BTC: variants seen among roughly 807,000 people sequenced by gnomAD.
The protein encoded by BTC is probetacellulin.
A neutral mutation model predicts 18.1 loss-of-function variants in BTC; 13 were observed. The ratio of observed to expected loss-of-function variants is 0.72; its 90% confidence interval spans 0.47 to 1.14. BTC has a LOEUF of 1.14. Ranked by LOEUF, BTC falls within the 50% of genes most tolerant of loss-of-function variation. The pLI is 0.00. For missense variants in BTC, 247 were observed against 224.2 expected, an observed-to-expected ratio of 1.10 and a Z score of -0.65; for synonymous variants, 83 against 79.4, an observed-to-expected ratio of 1.05 and a Z score of -0.24.
chr4:74,758,598 T>C (rs139828045), intron 2 of BTC, among the ~76,000 whole-genome samples: 34 of 152,260 alleles, frequency 2.2e-4, no homozygotes, highest in African/African-American at 7.2e-4. Flanking sequence ...AAACTTTATT[T>C]CTCTAGTTGC....
At chr4:74,764,367 G>A (rs1355524518) in intron 2 of BTC, among the ~76,000 whole-genome samples, 3 of 152,116 alleles carry the variant, frequency 2.0e-5, no homozygotes, top group Admixed American at 6.6e-5. Flanking sequence ...TATGGAAGAC[G>A]TGTGATGGGA....
At chr4:74,768,787 G>A (rs145115645) in intron 2 of BTC, among the ~76,000 whole-genome samples, 1 of 152,148 alleles carries the variant, frequency 6.6e-6, no homozygotes, top group Non-Finnish European at 1.5e-5. Flanking sequence ...TTAGGATGAT[G>A]ATGAGGAAGA....
chr4:74,768,181 A>G (rs974943769), intron 2 of BTC, among the ~76,000 whole-genome samples: 13 of 152,164 alleles, frequency 8.5e-5, no homozygotes, highest in African/African-American at 2.9e-4. Context: ...CCTGAAGACA[A>G]TTTAGCACTA....
At chr4:74,750,801 T>C in intron 3 of BTC, 82 bp from the exon 4 acceptor site, 1 of 1,495,296 alleles carries the variant, frequency 6.7e-7, no homozygotes, top group Non-Finnish European at 9.1e-7. Flanking sequence ...AAATTAACAG[T>C]TCTCATTACT....
intron 2 of BTC, among the ~76,000 whole-genome samples, chr4:74,762,186 T>A (rs566238091): frequency 5.9e-5 from 9 of 152,330 alleles, no homozygotes; most frequent in African/African-American, 2.2e-4. Context: ...GAAATAATTG[T>A]TATTCTTATT....
chr4:74,770,561 C>T (rs904383295), intron 1 of BTC, among the ~76,000 whole-genome samples: 1 of 152,152 alleles, frequency 6.6e-6, no homozygotes, highest in East Asian at 1.9e-4. Flanking sequence ...AGCCAGCGTT[C>T]TCAGGTGTTA....
At chr4:74,778,292 G>C (rs1257142898) in intron 1 of BTC, among the ~76,000 whole-genome samples, 4 of 152,232 alleles carry the variant, frequency 2.6e-5, no homozygotes, top group African/African-American at 4.8e-5. Flanking sequence ...CCTTCAAGGA[G>C]AGAAATTATT....
At chr4:74,770,915 A>ATGTGTGTGTG (rs61202126) in intron 1 of BTC, among the ~76,000 whole-genome samples, 32 of 141,980 alleles carry the variant, frequency 2.3e-4, no homozygotes, top group African/African-American at 7.8e-4. Context: ...TATATCGTGT[A>ATGTGTGTGTG]TGTGTGTGTG....
rs1553955650 is a variant in BTC at position 74,748,125 on chromosome 4, T to A, written c.453A>T (p.Arg151Ser). The change falls in exon 5 of 6, where the codon AGA becomes AGT. Residue 151 changes from arginine to serine, a missense_variant. Physicochemically the swap from Arg to Ser is moderately radical, Grantham distance 110. Transcript: ENST00000395743. The part of the protein sequence containing the change: ...CCHPLRKRRK[R>S]KKKEEEMETL... ...TTTCCATTTCTTCTTCTTTCTTCTT[T>A]CTTTTACGACGTTTCCGAAGAGGGC... 1.2e-6 allele frequency: 2 copies of A among 1,609,576 alleles called. No homozygotes were observed. The highest frequency in any genetic ancestry group is 1.7e-6 in the Non-Finnish European group (2 of 1,179,050).
chr4:74,786,087 G>A (rs1052195240), intron 1 of BTC, among the ~76,000 whole-genome samples: 15 of 152,164 alleles, frequency 9.9e-5, no homozygotes, highest in African/African-American at 3.6e-4. Context: ...AGAAGGTCAA[G>A]GAGATACCTG....
intron 1 of BTC, among the ~76,000 whole-genome samples, chr4:74,776,293 A>G (rs1272528263): frequency 2.6e-5 from 4 of 152,062 alleles, no homozygotes; most frequent in African/African-American, 7.2e-5. Flanking sequence ...CATTCAACCT[A>G]TTATCCATAC....
intron 2 of BTC, among the ~76,000 whole-genome samples, chr4:74,757,102 CCATGGTGTGTT>C (rs1455846322): frequency 1.3e-5 from 2 of 152,130 alleles, no homozygotes; most frequent in Non-Finnish European, 2.9e-5. Flanking sequence ...GCCAGGAGGA[CCATGGTGTGTT>C]CATGTCAGAA....
intron 1 of BTC, among the ~76,000 whole-genome samples, chr4:74,790,655 G>A (rs1725599951): frequency 6.6e-6 from 1 of 152,200 alleles, no homozygotes; most frequent in Admixed American, 6.5e-5. Flanking sequence ...AGAATATACA[G>A]GAGTCACCCA....
At chr4:74,750,807 T>C in intron 3 of BTC, 88 bp from the exon 4 acceptor site, 2 of 1,471,072 alleles carry the variant, frequency 1.4e-6, no homozygotes, top group South Asian at 2.5e-5. Flanking sequence ...ACAGTTCTCA[T>C]TACTTGAAAT....
At chr4:74,787,681 G>T (rs899409762) in intron 1 of BTC, among the ~76,000 whole-genome samples, 1 of 152,188 alleles carries the variant, frequency 6.6e-6, no homozygotes, top group African/African-American at 2.4e-5. Context: ...ATAGGGTAGG[G>T]TTGAAAGCAC....
intron 1 of BTC, among the ~76,000 whole-genome samples, chr4:74,781,529 A>C (rs1401563584): frequency 2.6e-5 from 4 of 151,918 alleles, no homozygotes; most frequent in African/African-American, 9.7e-5. Context: ...TCACATCCAC[A>C]TTAGAGTATT....
chr4:74,756,298 A>G (rs1724596960), intron 2 of BTC, among the ~76,000 whole-genome samples: 1 of 152,202 alleles, frequency 6.6e-6, no homozygotes, highest in Admixed American at 6.5e-5. Context: ...GAAAGTTATC[A>G]GAGCCACACT....
At chr4:74,751,144 T>A (rs1724449168) in intron 3 of BTC, among the ~76,000 whole-genome samples, 1 of 152,198 alleles carries the variant, frequency 6.6e-6, no homozygotes, top group South Asian at 2.1e-4. Context: ...ATAAATTATA[T>A]AAAAATTGTA....
At chr4:74,779,197 T>C (rs1431880464) in intron 1 of BTC, among the ~76,000 whole-genome samples, 2 of 152,154 alleles carry the variant, frequency 1.3e-5, no homozygotes, top group African/African-American at 2.4e-5. Context: ...TGATTGATAA[T>C]ACAATTTTTA....
Sources: gnomAD v4.1 joint callset for allele counts (sites outside exome capture counted in the v4.1 genomes callset) on GRCh38, gnomAD v4.1.1 for gene constraint, MANE v1.5 for transcripts, NCBI Gene and HGNC (gene_info 2026-07-23, HGNC 2026-07-21) for gene names.